KCNN2: variants seen among roughly 807,000 people sequenced by gnomAD.
The protein encoded by KCNN2 is small conductance calcium-activated potassium channel protein 2.
Under a neutral mutation model 55.5 loss-of-function variants are expected in KCNN2, and 24 were observed. The observed-to-expected ratio is 0.43, with a 90% CI of 0.31 to 0.61. The LOEUF (loss-of-function observed/expected upper bound fraction) is 0.61. KCNN2 is among the 20% of genes least tolerant of loss of function. KCNN2 has a pLI of 0.08. For missense variants in KCNN2, 754 were observed against 853.6 expected (o/e 0.88, Z 1.45); for synonymous variants, 431 against 336.1 (o/e 1.28, Z -3.09).
intron 1 of KCNN2, among the ~76,000 whole-genome samples, chr5:114,165,891 C>A (rs886715509): frequency 1.3e-5 from 2 of 151,992 alleles, no homozygotes. Context: ...TGGGGGTTGG[C>A]GTCCCTAACC....
chr5:114,073,585 C>T (rs1750621832), intron 1 of KCNN2, among the ~76,000 whole-genome samples: 1 of 152,104 alleles, frequency 6.6e-6, no homozygotes, highest in Non-Finnish European at 1.5e-5. Flanking sequence ...CTATGCTTAC[C>T]TCCTCCTCTC....
At chr5:114,064,654 G>A (rs559072461) in intron 1 of KCNN2, among the ~76,000 whole-genome samples, 1 of 152,256 alleles carries the variant, frequency 6.6e-6, no homozygotes, top group South Asian at 2.1e-4. Flanking sequence ...TTAGCTTTGG[G>A]TAGCATGTTA....
chr5:114,288,281 G>A (rs1485949393), intron 2 of KCNN2, among the ~76,000 whole-genome samples: 3 of 152,044 alleles, frequency 2.0e-5, no homozygotes, highest in Non-Finnish European at 4.4e-5. Flanking sequence ...AGATAGTCCT[G>A]TTGTAAACAA....
intron 5 of KCNN2, among the ~76,000 whole-genome samples, chr5:114,478,882 A>G (rs753988055): frequency 2.0e-5 from 3 of 152,188 alleles, no homozygotes; most frequent in Admixed American, 6.5e-5. Context: ...CTGCCTTTCA[A>G]GATCTCCTGA....
intron 2 of KCNN2, among the ~76,000 whole-genome samples, chr5:114,271,190 G>A (rs191007612): frequency 1.7e-4 from 26 of 152,166 alleles, no homozygotes; most frequent in South Asian, 1.0e-3. Context: ...TGATTCGTGC[G>A]TTTACAAACC....
At chr5:114,137,556 C>T (rs2954371) in intron 1 of KCNN2, among the ~76,000 whole-genome samples, 39,454 of 149,780 alleles carry the variant, frequency 0.26, 5,289 homozygotes, top group African/African-American at 0.31. Flanking sequence ...TAAAGTACTT[C>T]GCATAGCATT....
chr5:114,199,575 C>T (rs1443473884), intron 1 of KCNN2, among the ~76,000 whole-genome samples: 1 of 150,940 alleles, frequency 6.6e-6, no homozygotes, highest in Non-Finnish European at 1.5e-5. Context: ...TTCTCATCCT[C>T]GTTGTGTGAT....
rs986349556 is a variant in KCNN2, at chr5:114,234,329, C to G, written c.-185+12764C>G. ...TTTCCAATAAACAGAGAAGACTGAC[C>G]TTGTGCGATGTGCGATGGTAAATTT... is the stretch of plus-strand genomic sequence containing the variant. On this transcript the variant is annotated intron_variant, in intron 2 of 10. Transcript: ENST00000512097. Among the ~76,000 whole-genome samples, 42 of 152,120 alleles carry G rather than the reference C, an allele frequency of 2.8e-4. 1 individual carries two copies. Among genetic ancestry groups the G allele is most frequent in the Admixed American group, 2.7e-3 (41 of 15,274 alleles).
intron 1 of KCNN2, among the ~76,000 whole-genome samples, chr5:114,135,540 C>T (rs1752156619): frequency 6.6e-6 from 1 of 152,134 alleles, no homozygotes; most frequent in African/African-American, 2.4e-5. Context: ...GCCTAACATA[C>T]AACATCTAAA....
At chr5:114,477,999 G>A (rs562205934) in intron 5 of KCNN2, among the ~76,000 whole-genome samples, 2 of 152,108 alleles carry the variant, frequency 1.3e-5, no homozygotes, top group South Asian at 2.1e-4. Context: ...ACAGCCCAGG[G>A]GGTTAACACA....
At chr5:114,320,029 C>T (rs562677261) in intron 2 of KCNN2, among the ~76,000 whole-genome samples, 1 of 152,094 alleles carries the variant, frequency 6.6e-6, no homozygotes, top group Non-Finnish European at 1.5e-5. Context: ...AAATGTTTAC[C>T]CATTGTTACT....
chr5:114,153,665 C>A lies in KCNN2; in HGVS notation c.-270-67815C>A, dbSNP rs757320319. ...CATGAATCTTACGGTGGATAGTAAG[C>A]AGCCATCCTTATCTCTGGAAGGAAA... On this transcript the variant is annotated intron_variant, in intron 1 of 10. Transcript: ENST00000512097. 1.0e-3 allele frequency among the ~76,000 whole-genome samples: 153 copies of A among 152,152 alleles called. 2 individuals carry two copies. Among genetic ancestry groups the A allele is most frequent in the Non-Finnish European group, 4.6e-4 (31 of 68,022 alleles).
At chr5:114,276,672 T>TTTG (rs1439942559) in intron 2 of KCNN2, among the ~76,000 whole-genome samples, 1 of 149,180 alleles carries the variant, frequency 6.7e-6, no homozygotes, top group Non-Finnish European at 1.5e-5. Context: ...TTTTTTTTTT[T>TTTG]GCTTTCCATT....
intron 1 of KCNN2, among the ~76,000 whole-genome samples, chr5:114,163,358 TG>T (rs1319493279): frequency 1.3e-5 from 2 of 152,158 alleles, no homozygotes; most frequent in Non-Finnish European, 2.9e-5. Context: ...AGGGCATCCT[TG>T]TGGCAATTTT....
chr5:114,468,783 T>C (rs187330457), intron 4 of KCNN2, among the ~76,000 whole-genome samples: 173 of 152,328 alleles, frequency 1.1e-3, no homozygotes, highest in Middle Eastern at 3.4e-3. Context: ...TCAAAACCTT[T>C]CCACAGTGTG....
chr5:114,240,898 C>T (rs73260060), intron 2 of KCNN2, among the ~76,000 whole-genome samples: 9,964 of 151,274 alleles, frequency 0.066, 358 homozygotes, highest in African/African-American at 0.099. Context: ...AAATTATCTG[C>T]TAATAATGAA....
At chr5:114,424,010 A>G (rs575094091) in intron 3 of KCNN2, among the ~76,000 whole-genome samples, 3 of 152,186 alleles carry the variant, frequency 2.0e-5, no homozygotes, top group Non-Finnish European at 4.4e-5. Flanking sequence ...ATTAAGCTAA[A>G]TTGGAACTGA....
intron 3 of KCNN2, among the ~76,000 whole-genome samples, chr5:114,461,750 C>T (rs1390341448): frequency 6.6e-6 from 1 of 150,878 alleles, no homozygotes; most frequent in Non-Finnish European, 1.5e-5. Context: ...AAAAGCATAG[C>T]GAATGCCATG....
chr5:114,110,467 G>A (rs1561479925), intron 1 of KCNN2, among the ~76,000 whole-genome samples: 1 of 151,958 alleles, frequency 6.6e-6, no homozygotes, highest in African/African-American at 2.4e-5. Context: ...TTTAGAAAAC[G>A]GAATTAAATC....
Sources: allele counts gnomAD v4.1 joint callset (sites outside exome capture counted in the v4.1 genomes callset), GRCh38; gene constraint gnomAD v4.1.1; transcripts MANE v1.5; gene names NCBI Gene and HGNC (gene_info 2026-07-23, HGNC 2026-07-21).